The following ISOC1 variants were observed in gnomAD, a reference collection of about 807,000 sequenced individuals.
The protein encoded by ISOC1 is isochorismatase domain containing 1, also known as isochorismatase domain-containing protein 1.
A neutral mutation model predicts 30.0 loss-of-function variants in ISOC1; 33 were observed. That is an observed-to-expected ratio of 1.10 (90% CI 0.83 to 1.47). The LOEUF (loss-of-function observed/expected upper bound fraction) is 1.47, where lower values mean the gene tolerates loss of function less well. Ranked by LOEUF, ISOC1 falls within the 40% of genes most tolerant of loss-of-function variation. The probability of loss-of-function intolerance (pLI) is 0.00; values close to 1 mark genes in which losing one functional copy is unlikely to be tolerated. For missense variants in ISOC1, 372 were observed against 388.0 expected, an observed-to-expected ratio of 0.96 and a Z score of 0.35; for synonymous variants, 178 against 159.8, an observed-to-expected ratio of 1.11 and a Z score of -0.86.
At chr5:129,101,221 T>A (rs1168614683) in intron 1 of ISOC1, among the ~76,000 whole-genome samples, 2 of 118,596 alleles carry the variant, frequency 1.7e-5, no homozygotes, top group African/African-American at 6.9e-5. Flanking sequence ...TTGGGTTGGG[T>A]GTAGTGGTTC....
chr5:129,095,321 A>G (rs1223597835), intron 1 of ISOC1, among the ~76,000 whole-genome samples: 1 of 152,224 alleles, frequency 6.6e-6, no homozygotes, highest in Non-Finnish European at 1.5e-5. Flanking sequence ...AGCTGGTTTC[A>G]GCGCCCGCGA....
rs1484242452 is a variant in ISOC1, at chr5:129,104,900, A to G, written c.310-56A>G. ...TTTCTTCCTTTATTGACCTCCACTG[A>G]AAATAAATGTCATTGTACAACAAGT... On this transcript the variant is annotated intron_variant, in intron 1 of 4. Coordinates refer to ENST00000173527, the MANE Select transcript of ISOC1 (RefSeq NM_016048.2). 3 of 1,574,296 alleles carry G rather than the reference A, an allele frequency of 1.9e-6. No individual in the cohort carries two copies. In the African/African-American group the frequency reaches 4.1e-5, roughly 21 times the overall value.
intron 4 of ISOC1, among the ~76,000 whole-genome samples, chr5:129,110,602 T>G (rs1477272909): frequency 6.6e-6 from 1 of 152,178 alleles, no homozygotes; most frequent in Non-Finnish European, 1.5e-5. Flanking sequence ...GGGTGTCACT[T>G]TCCTAAAATG....
At chr5:129,102,601 C>T (rs1753586151) in intron 1 of ISOC1, among the ~76,000 whole-genome samples, 1 of 152,192 alleles carries the variant, frequency 6.6e-6, no homozygotes, top group South Asian at 2.1e-4. Context: ...TGTAGTCCTT[C>T]TGAAATATAT....
chr5:129,112,729 G>A (rs3798121), intron 4 of ISOC1, 126 bp from the exon 5 acceptor site: 1 of 966,398 alleles, frequency 1.0e-6, no homozygotes, highest in Non-Finnish European at 1.5e-6. Context: ...GAACTTGATG[G>A]TATGGCTGGG....
In ISOC1 at chr5:129,113,069, C is replaced by T. The variant is rs767362208; in HGVS notation, c.*68C>T. 7.1e-7 allele frequency: 1 copy of T among 1,414,988 alleles called. No individual in the cohort carries two copies. The highest frequency in any genetic ancestry group is 9.6e-7 in the Non-Finnish European group (1 of 1,041,084). 87.7% of individuals were successfully genotyped at this position (1,414,988 alleles called of 1,614,324 possible). On this transcript the variant is annotated 3_prime_UTR_variant, in exon 5 of 5. Transcript: ENST00000173527. Reference sequence around the variant, plus strand: ...TCAGGTGAAGGACTGTAAGCCCACACAAGCTCTTCTTATCTCTACTAGAAT... The same window carrying T: ...TCAGGTGAAGGACTGTAAGCCCACATAAGCTCTTCTTATCTCTACTAGAAT...
intron 1 of ISOC1, chr5:129,097,704 A>G (rs924491616): frequency 2.6e-5 from 4 of 151,440 alleles, no homozygotes; most frequent in Non-Finnish European, 5.9e-5. Context: ...GTCTCCGCAT[A>G]TGCCTGGCTA....
In ISOC1 at chr5:129,113,542, A is replaced by G. The variant is rs938168308; in HGVS notation, c.*541A>G. 4.6e-5 allele frequency: 7 copies of G among 152,338 alleles called. No homozygotes were observed. The highest frequency in any genetic ancestry group is 1.7e-4 in the African/African-American group (7 of 41,462). 9.4% of individuals were successfully genotyped at this position (152,338 alleles called of 1,614,324 possible). On this transcript the variant is annotated 3_prime_UTR_variant, in exon 5 of 5. Transcript: ENST00000173527. ...TCCACTTAGTGAGTTGCATTGATCTATCCGTACCAAATGATGTTGAATAAT... is the reference window on the plus strand; with the variant it reads ...TCCACTTAGTGAGTTGCATTGATCTGTCCGTACCAAATGATGTTGAATAAT...
At chr5:129,104,110 A>G (rs529000342) in intron 1 of ISOC1, among the ~76,000 whole-genome samples, 3 of 152,292 alleles carry the variant, frequency 2.0e-5, no homozygotes, top group South Asian at 4.1e-4. Context: ...CCTTATCGTG[A>G]TAACTATAGT....
rs752404788 is a variant in ISOC1 at position 129,112,935 on chromosome 5, A to C, written c.831A>C (p.Lys277Asn). The C allele has an allele frequency of 6.2e-7, 1 of 1,613,884 alleles. No individual in the cohort carries two copies. The highest frequency in any genetic ancestry group is 1.7e-5 in the Admixed American group (1 of 60,008). ...TGGTAGCTGATAAGGACCATCCAAA[A>C]TTCAAGGAAATTCAGAATCTAATTA... is the stretch of plus-strand genomic sequence containing the variant. ...LQLVADKDHPKFKEIQNLIKA... is the reference protein window; with the variant it reads ...LQLVADKDHPNFKEIQNLIKA... The change falls in exon 5 of 5, where the codon AAA becomes AAC. Residue 277 changes from lysine (K) to asparagine (N), a missense_variant. Physicochemically the swap from Lys to Asn is moderately conservative, Grantham distance 94 (BLOSUM62 0). Coordinates refer to ENST00000173527, the MANE Select transcript of ISOC1 (RefSeq NM_016048.2).
intron 1 of ISOC1, among the ~76,000 whole-genome samples, chr5:129,101,192 A>AAAAAAAAAAATATATAT (rs1554064627): frequency 1.7e-4 from 7 of 42,208 alleles, no homozygotes; most frequent in Non-Finnish European, 2.5e-4. Context: ...AAAAAAAAAA[A>AAAAAAAAAAATATATAT]ATATATATAT....
At chr5:129,112,746 G>T in intron 4 of ISOC1, 109 bp from the exon 5 acceptor site, 1 of 1,214,426 alleles carries the variant, frequency 8.2e-7, no homozygotes. Flanking sequence ...TGGGAACCAC[G>T]GTTTCAGTAG....
intron 1 of ISOC1, among the ~76,000 whole-genome samples, chr5:129,095,563 T>TC (rs1012351383): frequency 9.3e-4 from 142 of 152,012 alleles, no homozygotes; most frequent in African/African-American, 2.8e-3. Context: ...TCAAACCCAT[T>TC]CCCCCCCGCC....
chr5:129,109,829 C>T (rs1459154770), intron 4 of ISOC1, among the ~76,000 whole-genome samples: 1 of 152,132 alleles, frequency 6.6e-6, no homozygotes, highest in East Asian at 1.9e-4. Context: ...TCTCCCCTTC[C>T]TCTCTATTCC....
intron 4 of ISOC1, among the ~76,000 whole-genome samples, chr5:129,110,925 C>T (rs1426903061): frequency 6.6e-6 from 1 of 152,090 alleles, no homozygotes; most frequent in Non-Finnish European, 1.5e-5. Flanking sequence ...ATTGCAAGTC[C>T]ATTGATTCAA....
At chr5:129,096,679 A>G (rs1580785134) in intron 1 of ISOC1, among the ~76,000 whole-genome samples, 1 of 152,216 alleles carries the variant, frequency 6.6e-6, no homozygotes, top group South Asian at 2.1e-4. Flanking sequence ...TGCTGCCAGA[A>G]TACTCAGATG....
chr5:129,102,608 A>G (rs1279126525), intron 1 of ISOC1, among the ~76,000 whole-genome samples: 1 of 152,234 alleles, frequency 6.6e-6, no homozygotes, highest in Non-Finnish European at 1.5e-5. Context: ...CTTCTGAAAT[A>G]TATAATTTAA....
Position 129,105,187 on chromosome 5 carries a change from G to T in ISOC1, c.432G>T (p.Leu144Phe). Residue 144 changes from leucine (L) to phenylalanine (F), a missense_variant and splice_region_variant, in exon 3 of 5, where the codon TTG (leucine) becomes TTT (phenylalanine). Physicochemically the swap from Leu to Phe is conservative, Grantham distance 22. Transcript: ENST00000173527. ...TGTGTTTGGTTATTTTTTTTCAGTT[G>T]CAAGGGGCCCGGATTTTAGGAATTC... The part of the protein sequence containing the change: ...GDIISVGQRL[L>F]QGARILGIPV... The T allele has an allele frequency of 4.3e-6, 7 of 1,612,354 alleles. No homozygotes were observed. The highest frequency in any genetic ancestry group is 5.9e-6 in the Non-Finnish European group (7 of 1,179,452).
rs756376377 is a variant in ISOC1 at position 129,105,201 on chromosome 5, T to C, written c.446T>C (p.Ile149Thr). 1 of 1,613,756 alleles carries C rather than the reference T, an allele frequency of 6.2e-7. No individual in the cohort carries two copies. The highest frequency in any genetic ancestry group is 1.1e-5 in the South Asian group (1 of 91,036). The change falls in exon 3 of 5, where the codon ATT becomes ACT. Residue 149 changes from isoleucine to threonine, a missense_variant. Physicochemically the swap from Ile to Thr is moderately conservative, Grantham distance 89. Coordinates refer to ENST00000173527, the MANE Select transcript of ISOC1 (RefSeq NM_016048.2). The part of the protein sequence containing the change: ...VGQRLLQGAR[I>T]LGIPVIVTEQ... The stretch of plus-strand genomic sequence containing the variant: ...TTTTTTCAGTTGCAAGGGGCCCGGA[T>C]TTTAGGAATTCCTGTTATTGTAACA...
Sources: gnomAD v4.1 joint callset for allele counts (sites outside exome capture counted in the v4.1 genomes callset) on GRCh38, gnomAD v4.1.1 for gene constraint, MANE v1.5 for transcripts, NCBI Gene and HGNC (gene_info 2026-07-23, HGNC 2026-07-21) for gene names.